Variants in TUBGCP5 observed in about 807,000 individuals in gnomAD.
TUBGCP5 encodes the protein gamma-tubulin complex component 5.
A neutral mutation model predicts 134.7 loss-of-function variants in TUBGCP5; 98 were observed. The ratio of observed to expected loss-of-function variants is 0.73; its 90% CI spans 0.62 to 0.86. The LOEUF (loss-of-function observed/expected upper bound fraction) is 0.86. Ranked by LOEUF, TUBGCP5 falls within the 40% of genes least tolerant of loss-of-function variation. TUBGCP5 has a pLI of 0.00. For missense variants in TUBGCP5, 1,150 were observed against 1,244.8 expected, an observed-to-expected ratio of 0.92 and a Z score of 1.15; for synonymous variants, 456 against 431.4, an observed-to-expected ratio of 1.06 and a Z score of -0.71.
In TUBGCP5 at chr15:22,988,026, T is replaced by C. The variant is rs117293688; in HGVS notation, c.*62-4415A>G. Among the ~76,000 whole-genome samples the C allele has an allele frequency of 7.8e-3, 1,175 of 151,284 alleles. 37 individuals are homozygous for C. In the South Asian group the frequency reaches 0.079, roughly 10 times the overall value. On this transcript the variant is annotated intron_variant and NMD_transcript_variant, in intron 23 of 23. Coordinates refer to the TUBGCP5 transcript ENST00000614508. ...GGGACCTCACCAGACACCCACTCTG[T>C]GGTGCCTTGATGTTGGGCACTCAGC...
Position 23,003,644 on chromosome 15 carries a change from T to G in TUBGCP5, c.2838+458A>C, listed in dbSNP as rs960905221. Among the ~76,000 whole-genome samples the G allele has an allele frequency of 4.9e-5, 6 of 121,990 alleles. No individual in the cohort carries two copies. The South Asian group carries it at 1.1e-3, about 22-fold the overall frequency. The allele number at this position is 121,990 out of a possible 152,430, so 80.0% of individuals were successfully genotyped here. A position where few individuals can be genotyped will look rare whatever the true frequency, so the allele number is the denominator to read the frequency against. ...CACTCCTCCTTCTGTTTTTTTTTTT[T>G]TTTTTTTTTTTTTTTTTAAGAGACA... On this transcript the variant is annotated intron_variant, in intron 20 of 22. Coordinates refer to ENST00000615383, the MANE Select transcript of TUBGCP5 (RefSeq NM_052903.6).
chr15:23,000,287 A>G, intron 22 of TUBGCP5: 1 of 1,267,514 alleles, frequency 7.9e-7, no homozygotes, highest in Non-Finnish European at 9.9e-7. Context: ...ACGATAGTGA[A>G]GTGTGACAGA....
At chr15:23,033,183 TTA>T (rs2066408204) in intron 3 of TUBGCP5, among the ~76,000 whole-genome samples, 1 of 152,190 alleles carries the variant, frequency 6.6e-6, no homozygotes, top group African/African-American at 2.4e-5. Context: ...GCCTGATAGT[TTA>T]ACTAAGATGT....
chr15:23,023,872 T>C, intron 10 of TUBGCP5, 75 bp downstream of exon 10: 1 of 1,439,276 alleles, frequency 6.9e-7, no homozygotes, highest in Non-Finnish European at 9.3e-7. Flanking sequence ...TCAAATCTTA[T>C]ATAATAAAAA....
intron 6 of TUBGCP5, 111 bp downstream of exon 6, chr15:23,030,774 A>G: frequency 2.3e-6 from 3 of 1,324,674 alleles, no homozygotes; most frequent in Non-Finnish European, 3.1e-6. Context: ...TTTTATAAGG[A>G]TGGTAGAGCT....
At chr15:22,990,452 CA>C (rs890946892) in intron 23 of TUBGCP5, among the ~76,000 whole-genome samples, 2 of 152,182 alleles carry the variant, frequency 1.3e-5, no homozygotes, top group Non-Finnish European at 2.9e-5. Context: ...CCAACCACTA[CA>C]GGAAAAGCAC....
chr15:23,016,986 A>ATATATATATATATATATATATATATG lies in TUBGCP5; in HGVS notation c.1756+786_1756+787insCATATATATATATATATATATATATA, dbSNP rs373904143. On this transcript the variant is annotated intron_variant, in intron 13 of 22. Coordinates refer to ENST00000615383, the MANE Select transcript of TUBGCP5 (RefSeq NM_052903.6). ...AATTGTGAGATATATATATATATAT[A>ATATATATATATATATATATATATATG]TGTATATATCTTGAAGATAAAAGAG... is the stretch of plus-strand genomic sequence containing the variant. Among the ~76,000 whole-genome samples the ATATATATATATATATATATATATATG allele has an allele frequency of 8.5e-4, 118 of 138,230 alleles. 4 individuals are homozygous for ATATATATATATATATATATATATATG. The highest frequency in any genetic ancestry group is 2.8e-3 in the African/African-American group (103 of 37,046). The allele number at this position is 138,230 out of a possible 152,430, so 90.7% of individuals were successfully genotyped here.
At chr15:23,017,009 G>T (rs1055852164) in intron 13 of TUBGCP5, among the ~76,000 whole-genome samples, 1 of 92,912 alleles carries the variant, frequency 1.1e-5, no homozygotes, top group African/African-American at 4.4e-5. Context: ...GAAGATAAAA[G>T]AGTGAATCCT....
In TUBGCP5 at chr15:23,000,578, A is replaced by G; in HGVS notation, c.3019T>C (p.Phe1007Leu). ...ILNKAVCRGS[F>L]PHLESLALSL... Reference sequence around the variant, plus strand: ...AACATGATATACTCACAATGGGGAAAGGATCCTCTACAGACGGCTTTGTTT... The same window carrying G: ...AACATGATATACTCACAATGGGGAAGGGATCCTCTACAGACGGCTTTGTTT... Residue 1007 changes from phenylalanine to leucine, a missense_variant, in exon 22 of 23, where the codon TTT becomes CTT. By Grantham distance (22) the Phe-to-Leu change is conservative. This residue lies in a region of TUBGCP5 where 697 missense variants were observed against 850.1 expected (regional missense o/e 0.82). Transcript: ENST00000615383. 1 of 1,612,234 alleles carries G rather than the reference A, an allele frequency of 6.2e-7. No homozygotes were observed.
At chr15:23,029,782 G>A (rs1310631234) in intron 6 of TUBGCP5, among the ~76,000 whole-genome samples, 1 of 152,054 alleles carries the variant, frequency 6.6e-6, no homozygotes, top group East Asian at 1.9e-4. Context: ...TCGGGAAACT[G>A]AGGCAGGAGA....
At chr15:23,006,424 G>T in intron 16 of TUBGCP5, 72 bp from the exon 17 acceptor site, 2 of 1,050,450 alleles carry the variant, frequency 1.9e-6, no homozygotes, top group East Asian at 2.6e-5. Context: ...TAAAATAATT[G>T]GTATTTCATT....
intron 18 of TUBGCP5, 97 bp from the exon 19 acceptor site, chr15:23,005,707 T>A: frequency 7.6e-7 from 1 of 1,316,000 alleles, no homozygotes; most frequent in Non-Finnish European, 1.1e-6. Context: ...GATGTGGTCC[T>A]GGCACCACAG....
intron 16 of TUBGCP5, among the ~76,000 whole-genome samples, chr15:23,007,562 G>A (rs1417346779): frequency 6.6e-6 from 1 of 152,152 alleles, no homozygotes; most frequent in East Asian, 1.9e-4. Flanking sequence ...CGAAGACAAG[G>A]GGGATGTAGG....
chr15:23,002,189 CAGCAATATAA>C (rs1185662749), intron 21 of TUBGCP5, among the ~76,000 whole-genome samples: 4 of 151,864 alleles, frequency 2.6e-5, no homozygotes, highest in Non-Finnish European at 5.9e-5. Flanking sequence ...CACTTTGAGC[CAGCAATATAA>C]AGCGAGGAAG....
At chr15:23,006,538 A>G (rs1235751020) in intron 16 of TUBGCP5, among the ~76,000 whole-genome samples, 186 bp from the exon 17 acceptor site, 1 of 152,178 alleles carries the variant, frequency 6.6e-6, no homozygotes, top group East Asian at 1.9e-4. Context: ...ATTTGGATTT[A>G]GAAACAGAGA....
chr15:23,004,435 T>C, intron 19 of TUBGCP5: 1 of 543,802 alleles, frequency 1.8e-6, no homozygotes, highest in Non-Finnish European at 3.1e-6. Context: ...GGCAATCCTG[T>C]AGGACGCCCA....
At chr15:22,986,745 A>C (rs1309276060) in intron 23 of TUBGCP5, among the ~76,000 whole-genome samples, 4 of 150,710 alleles carry the variant, frequency 2.7e-5, no homozygotes, top group African/African-American at 1.0e-4. Flanking sequence ...CTCAAAAAAA[A>C]AAAAAGAAAG....
intron 23 of TUBGCP5, among the ~76,000 whole-genome samples, chr15:22,990,074 C>T (rs1184360763): frequency 2.6e-5 from 4 of 152,182 alleles, no homozygotes; most frequent in Admixed American, 6.5e-5. Context: ...ACATTCCCTG[C>T]ACCTTTGACT....
At position 23,036,958 on chromosome 15, in the gene TUBGCP5, C is replaced by T. The variant is rs765178257; in HGVS notation, c.248G>A (p.Ser83Asn). The change falls in exon 3 of 23, where the codon AGT becomes AAT. Residue 83 changes from serine to asparagine, a missense_variant. Physicochemically the swap from Ser to Asn is conservative, Grantham distance 46 (BLOSUM62 1). Around this residue, in one of 2 missense-constraint regions of TUBGCP5, gnomAD observed 453 missense variants for 394.7 expected, o/e 1.15. Coordinates refer to ENST00000615383, the MANE Select transcript of TUBGCP5 (RefSeq NM_052903.6). ...AAATTCCTCCGTTAATCTCTTCCAA[C>T]TAGCAGCTTTGCTTAGATCAGAATG... ...VIHSDLSKAA[S>N]WKRLTEEFLN... The T allele has an allele frequency of 3.7e-5, 60 of 1,612,698 alleles. No homozygotes were observed. Among genetic ancestry groups the T allele is most frequent in the Admixed American group, 3.0e-4 (18 of 59,916 alleles).
Sources: gnomAD v4.1 joint callset for allele counts (sites outside exome capture counted in the v4.1 genomes callset) on GRCh38, gnomAD v4.1.1 for gene constraint, gnomAD v4.1.1 regional missense constraint, MANE v1.5 for transcripts, NCBI Gene and HGNC (gene_info 2026-07-23, HGNC 2026-07-21) for gene names.